Variants in FYB2 observed in about 807,000 individuals in gnomAD.
FYB2 encodes the protein FYN binding protein 2.
A neutral mutation model predicts 94.1 loss-of-function variants in FYB2; 103 were observed. That is an observed-to-expected ratio of 1.09 (90% CI 0.93 to 1.29). The LOEUF (loss-of-function observed/expected upper bound fraction) is 1.29, where lower values mean the gene tolerates loss of function less well. Among genes scored for constraint, FYB2 ranks in the 50% most tolerant of loss-of-function variants. FYB2 has a pLI of 0.00. For missense variants in FYB2, 896 were observed against 841.5 expected (o/e 1.06, Z -0.80); for synonymous variants, 293 against 287.9 (o/e 1.02, Z -0.18).
chr1:56,769,776 A>C (rs192782289), intron 4 of FYB2, among the ~76,000 whole-genome samples: 1 of 152,304 alleles, frequency 6.6e-6, no homozygotes, highest in Admixed American at 6.5e-5. Context: ...GAGGAAAGAA[A>C]AAAATGCAAT....
intron 9 of FYB2, 108 bp from the exon 10 acceptor site, chr1:56,744,374 T>A (rs944340314): frequency 3.8e-6 from 3 of 781,592 alleles, no homozygotes; most frequent in Middle Eastern, 4.6e-4. Context: ...GCAGATTAAA[T>A]GGGCTAAAAT....
intron 1 of FYB2, among the ~76,000 whole-genome samples, chr1:56,810,034 A>G (rs922275547): frequency 2.6e-5 from 4 of 152,134 alleles, no homozygotes; most frequent in Non-Finnish European, 5.9e-5. Context: ...AAGAAGGAGG[A>G]GGAAGGGGAG....
upstream of FYB2, among the ~76,000 whole-genome samples, chr1:56,822,780 T>C (rs891426243): frequency 6.6e-6 from 1 of 151,360 alleles, no homozygotes. Flanking sequence ...AAAACAGATC[T>C]GAAAATGGGA....
intron 19 of FYB2, 102 bp downstream of exon 19, chr1:56,719,920 T>A (rs1208745697): frequency 1.3e-5 from 17 of 1,289,444 alleles, no homozygotes; most frequent in Non-Finnish European, 1.7e-5. Context: ...TTTTTAAAAC[T>A]TATCCTGAAT....
chr1:56,742,090 A>G (rs1183384642), intron 12 of FYB2, 71 bp downstream of exon 12: 1 of 1,396,964 alleles, frequency 7.2e-7, no homozygotes. Context: ...GTGGGTCCTC[A>G]CTGAAACTCT....
intron 13 of FYB2, 67 bp from the exon 14 acceptor site, chr1:56,738,720 G>A (rs1303108698): frequency 1.9e-5 from 28 of 1,508,864 alleles, no homozygotes; most frequent in Non-Finnish European, 2.5e-5. Context: ...TGAGCTGACA[G>A]ATCTCCAATA....
chr1:56,779,058 T>C (rs1403614237), intron 4 of FYB2, among the ~76,000 whole-genome samples: 1 of 152,088 alleles, frequency 6.6e-6, no homozygotes, highest in East Asian at 1.9e-4. Flanking sequence ...GTTTGATGAT[T>C]AGCCAAAGGC....
At chr1:56,791,338 C>T (rs1459509037) in intron 2 of FYB2, among the ~76,000 whole-genome samples, 1 of 151,604 alleles carries the variant, frequency 6.6e-6, no homozygotes, top group East Asian at 1.9e-4. Context: ...TCACTACAAC[C>T]TCTGCCTCCC....
At chr1:56,756,008 C>A (rs1645321521) in intron 6 of FYB2, 81 bp from the exon 7 acceptor site, 2 of 1,378,590 alleles carry the variant, frequency 1.5e-6, no homozygotes, top group South Asian at 1.2e-5. Flanking sequence ...TCATTAGAGA[C>A]TACACCAAAA....
At chr1:56,746,816 G>A (rs1025804326) in intron 9 of FYB2, among the ~76,000 whole-genome samples, 2 of 152,006 alleles carry the variant, frequency 1.3e-5, no homozygotes, top group African/African-American at 4.8e-5. Context: ...ATATACATAA[G>A]TACTGAATTG....
intron 1 of FYB2, among the ~76,000 whole-genome samples, chr1:56,808,284 C>A (rs1255004796): frequency 2.6e-5 from 4 of 152,086 alleles, no homozygotes; most frequent in African/African-American, 4.8e-5. Context: ...GACCTTGATC[C>A]CCTAGCTCTT....
intron 1 of FYB2, among the ~76,000 whole-genome samples, chr1:56,810,201 G>A (rs1367743424): frequency 6.6e-6 from 1 of 152,104 alleles, no homozygotes; most frequent in Non-Finnish European, 1.5e-5. Context: ...GGTTTCAGAT[G>A]GAAAAATTGT....
At chr1:56,806,346 G>A (rs745736314) in intron 1 of FYB2, among the ~76,000 whole-genome samples, 38 of 152,166 alleles carry the variant, frequency 2.5e-4, no homozygotes, top group Non-Finnish European at 4.9e-4. Context: ...TTAGGTTGGT[G>A]CAAAGTAATT....
chr1:56,792,063 C>T lies in FYB2; in HGVS notation c.750G>A (p.Gln250=). The change falls in exon 2 of 20, where the codon CAG becomes CAA. Residue 250 remains glutamine, a synonymous_variant. Coordinates refer to ENST00000343433, the MANE Select transcript of FYB2 (RefSeq NM_001004303.5). ...QPIYECELAS[Q]APEKQPDVRH... is the part of the protein sequence containing the mutation. ...GGGGATCACGTTTGTTACCTGGGGC[C>T]TGACTGGCAAGCTCACACTCATAGA... is the stretch of plus-strand genomic sequence containing the variant. 6.3e-7 allele frequency: 1 copy of T among 1,578,562 alleles called. No homozygotes were observed. The highest frequency in any genetic ancestry group is 2.2e-5 in the East Asian group (1 of 44,674).
intron 5 of FYB2, among the ~76,000 whole-genome samples, chr1:56,766,733 G>A (rs857094): frequency 0.33 from 49,614 of 152,050 alleles, 8,737 homozygotes; most frequent in African/African-American, 0.45. Flanking sequence ...CACTGCGCCC[G>A]GTCCCAACTC....
At chr1:56,722,073 A>C (rs571089301) in intron 17 of FYB2, among the ~76,000 whole-genome samples, 1 of 152,130 alleles carries the variant, frequency 6.6e-6, no homozygotes, top group Non-Finnish European at 1.5e-5. Flanking sequence ...AAACACACAG[A>C]GGTGGAAAAA....
intron 4 of FYB2, among the ~76,000 whole-genome samples, chr1:56,784,620 T>C (rs568981998): frequency 6.6e-6 from 1 of 152,320 alleles, no homozygotes; most frequent in South Asian, 2.1e-4. Flanking sequence ...CTTAATTTTA[T>C]ACATTAGAAT....
chr1:56,792,223 T>C lies in FYB2; in HGVS notation c.590A>G (p.Gln197Arg), dbSNP rs752959376. The stretch of plus-strand genomic sequence containing the variant: ...TATTTTGGGGGCCACCACGTGCTTC[T>C]GGGAAGGAAGAGTCTGGGCTCCTTT... ...ETKGAQTLPS[Q>R]KHVVAPKILH... The change falls in exon 2 of 20, where the codon CAG becomes CGG. Residue 197 changes from glutamine (Q) to arginine (R), a missense_variant. By Grantham distance (43) the Gln-to-Arg change is conservative. Coordinates refer to ENST00000343433, the MANE Select transcript of FYB2 (RefSeq NM_001004303.5). The C allele has an allele frequency of 2.5e-6, 4 of 1,613,832 alleles. No individual in the cohort carries two copies. Among genetic ancestry groups the C allele is most frequent in the Non-Finnish European group, 3.4e-6 (4 of 1,179,916 alleles).
chr1:56,806,703 T>C (rs17114386), intron 1 of FYB2, among the ~76,000 whole-genome samples: 3,553 of 152,228 alleles, frequency 0.023, 158 homozygotes, highest in African/African-American at 0.081. Context: ...TAACTATTCA[T>C]TGCAAACAAA....
Sources: allele counts gnomAD v4.1 joint callset (sites outside exome capture counted in the v4.1 genomes callset), GRCh38; gene constraint gnomAD v4.1.1; transcripts MANE v1.5; gene names NCBI Gene and HGNC (gene_info 2026-07-23, HGNC 2026-07-21).